The following OPCML variants were observed in gnomAD, a reference collection of about 807,000 sequenced individuals.
OPCML encodes the protein opioid binding protein/cell adhesion molecule like, also known as opioid-binding protein/cell adhesion molecule.
OPCML carries 13 observed loss-of-function variants against 37.8 expected under a neutral mutation model. The ratio of observed to expected loss-of-function variants is 0.34; its 90% confidence interval spans 0.22 to 0.55. OPCML has a LOEUF of 0.55. OPCML is among the 20% of genes least tolerant of loss of function. OPCML has a pLI of 0.91. For synonymous variants in OPCML, 176 were observed against 168.8 expected (o/e 1.04, Z -0.33); for missense variants, 341 against 435.6 (o/e 0.78, Z 1.93).
At chr11:132,508,054 A>G (rs1212281015) in intron 4 of OPCML, among the ~76,000 whole-genome samples, 1 of 152,204 alleles carries the variant, frequency 6.6e-6, no homozygotes, top group Non-Finnish European at 1.5e-5. Context: ...CTCTGAAACC[A>G]TCATCATACC....
At chr11:133,290,690 C>T (rs1427401496) in intron 1 of OPCML, among the ~76,000 whole-genome samples, 1 of 152,192 alleles carries the variant, frequency 6.6e-6, no homozygotes, top group African/African-American at 2.4e-5. Context: ...ACAGCCACCC[C>T]AGAAGCCCAG....
chr11:132,738,822 A>G (rs892410173), intron 2 of OPCML, among the ~76,000 whole-genome samples: 7 of 152,262 alleles, frequency 4.6e-5, no homozygotes, highest in African/African-American at 1.7e-4. Flanking sequence ...CAAAGACTGT[A>G]GTAGCATGTG....
intron 2 of OPCML, among the ~76,000 whole-genome samples, chr11:132,685,878 C>G (rs79791721): frequency 0.017 from 2,630 of 152,212 alleles, 69 homozygotes; most frequent in African/African-American, 0.06. Context: ...CTAAATTAGC[C>G]CCCAGTTCAA....
At chr11:132,935,349 A>C (rs1408934395) in intron 2 of OPCML, among the ~76,000 whole-genome samples, 1 of 152,018 alleles carries the variant, frequency 6.6e-6, no homozygotes, top group Non-Finnish European at 1.5e-5. Flanking sequence ...CTTTTGCGTA[A>C]TTACTTCTGC....
chr11:132,415,951 C>T lies in OPCML; in HGVS notation c.*4242G>A, dbSNP rs190848971. ...TTTGAAAATGTTGCCTTCCTACTTA[C>T]ACACCTGTGAAGTTTTACTCAAGTG... On this transcript the variant is annotated 3_prime_UTR_variant, in exon 8 of 8. Coordinates refer to ENST00000524381, the MANE Select transcript of OPCML (RefSeq NM_001012393.5). 4.6e-5 allele frequency: 7 copies of T among 152,688 alleles called. No homozygotes were observed. The highest frequency in any genetic ancestry group is 7.3e-5 in the Non-Finnish European group (5 of 68,032). 9.5% of individuals were successfully genotyped at this position (152,688 alleles called of 1,614,324 possible). A position where few individuals can be genotyped will look rare whatever the true frequency, so the allele number is the denominator to read the frequency against.
intron 1 of OPCML, among the ~76,000 whole-genome samples, chr11:133,030,594 T>G (rs1180459719): frequency 1.3e-5 from 2 of 152,214 alleles, no homozygotes; most frequent in Non-Finnish European, 2.9e-5. Context: ...ATATTATTAA[T>G]ATTCACAACA....
chr11:133,245,111 A>G (rs1467312028), intron 1 of OPCML, among the ~76,000 whole-genome samples: 1 of 152,202 alleles, frequency 6.6e-6, no homozygotes, highest in Non-Finnish European at 1.5e-5. Context: ...GTGGACTTCA[A>G]GGAAGTTGCA....
intron 2 of OPCML, among the ~76,000 whole-genome samples, chr11:132,841,670 G>A (rs1366959851): frequency 6.6e-6 from 1 of 151,884 alleles, no homozygotes; most frequent in Non-Finnish European, 1.5e-5. Context: ...AGACCAGCCT[G>A]GCCAACATGG....
intron 3 of OPCML, among the ~76,000 whole-genome samples, chr11:132,583,331 C>T (rs2096466046): frequency 6.6e-6 from 1 of 152,094 alleles, no homozygotes; most frequent in African/African-American, 2.4e-5. Flanking sequence ...TGAGGCCTTG[C>T]TCTGTTGGCC....
intron 2 of OPCML, among the ~76,000 whole-genome samples, chr11:132,691,941 T>A (rs1943420413): frequency 6.6e-6 from 1 of 152,200 alleles, no homozygotes; most frequent in Admixed American, 6.5e-5. Flanking sequence ...ATTAAGGGAC[T>A]TGATATGGCA....
intron 4 of OPCML, among the ~76,000 whole-genome samples, chr11:132,504,355 C>T (rs1419946654): frequency 1.3e-5 from 2 of 152,304 alleles, no homozygotes; most frequent in African/African-American, 2.4e-5. Context: ...CTTGGATGGA[C>T]GCATTCGCTA....
chr11:133,157,436 G>A (rs544982648), intron 1 of OPCML, among the ~76,000 whole-genome samples: 5 of 152,272 alleles, frequency 3.3e-5, no homozygotes, highest in African/African-American at 9.6e-5. Flanking sequence ...AGCAAAGGGA[G>A]ATTGTTTTAT....
chr11:133,121,488 A>C (rs1949419906), intron 1 of OPCML, among the ~76,000 whole-genome samples: 1 of 152,180 alleles, frequency 6.6e-6, no homozygotes, highest in Non-Finnish European at 1.5e-5. Context: ...GATGTATGTG[A>C]TTATAGTAGA....
chr11:132,898,217 C>G (rs192232103), intron 2 of OPCML, among the ~76,000 whole-genome samples: 1 of 152,200 alleles, frequency 6.6e-6, no homozygotes, highest in Non-Finnish European at 1.5e-5. Context: ...CAGCCAGCTA[C>G]GTGGTGGCAA....
At chr11:132,523,197 G>A (rs1024449883) in intron 4 of OPCML, among the ~76,000 whole-genome samples, 4 of 152,168 alleles carry the variant, frequency 2.6e-5, no homozygotes, top group Admixed American at 6.5e-5. Flanking sequence ...ATGAGCCACC[G>A]CGCTCAGCTG....
rs369759912 is a variant in OPCML, at chr11:132,535,374, A to T, written c.380-6188T>A. On this transcript the variant is annotated intron_variant, in intron 3 of 7. Transcript: ENST00000524381. Reference sequence around the variant, plus strand: ...GTTTCTAGAAGGAACAGGGTACAGGACATCAGCACCATGTCCTGCCCAGCC... The same window carrying T: ...GTTTCTAGAAGGAACAGGGTACAGGTCATCAGCACCATGTCCTGCCCAGCC... 4.6e-5 allele frequency among the ~76,000 whole-genome samples: 7 copies of T among 152,206 alleles called. 1 individual carries two copies. Among genetic ancestry groups the T allele is most frequent in the African/African-American group, 1.7e-4 (7 of 41,532 alleles).
At chr11:133,306,969 C>A (rs1942935662) in intron 1 of OPCML, among the ~76,000 whole-genome samples, 1 of 152,088 alleles carries the variant, frequency 6.6e-6, no homozygotes, top group South Asian at 2.1e-4. Context: ...TAGTAGATAA[C>A]CCTGTACCAC....
At chr11:132,769,420 G>A (rs541789754) in intron 2 of OPCML, among the ~76,000 whole-genome samples, 17 of 152,072 alleles carry the variant, frequency 1.1e-4, no homozygotes, top group African/African-American at 4.1e-4. Flanking sequence ...TTTGTGACTG[G>A]AGCCTCAGTA....
chr11:132,716,852 C>T (rs1458893270), intron 2 of OPCML, among the ~76,000 whole-genome samples: 1 of 151,852 alleles, frequency 6.6e-6, no homozygotes, highest in African/African-American at 2.4e-5. Flanking sequence ...ATTTAAAATG[C>T]CCCCAAGATA....
Sources: gnomAD v4.1 joint callset for allele counts (sites outside exome capture counted in the v4.1 genomes callset) on GRCh38, gnomAD v4.1.1 for gene constraint, MANE v1.5 for transcripts, NCBI Gene and HGNC (gene_info 2026-07-23, HGNC 2026-07-21) for gene names.